The following POU6F2 variants were observed in gnomAD, a reference collection of about 807,000 sequenced individuals.
POU6F2 encodes POU class 6 homeobox 2.
In POU6F2, 31 loss-of-function variants were observed where a neutral mutation model predicts 71.3. That is an observed-to-expected ratio of 0.43 (90% CI 0.33 to 0.59). The LOEUF (loss-of-function observed/expected upper bound fraction) is 0.59. Ranked by LOEUF, POU6F2 falls within the 20% of genes least tolerant of loss-of-function variation. The pLI, the probability that POU6F2 is intolerant of heterozygous loss-of-function variation, is 0.04. For synonymous variants in POU6F2, 347 were observed against 355.7 expected, an observed-to-expected ratio of 0.98 and a Z score of 0.27; for missense variants, 783 against 856.8, an observed-to-expected ratio of 0.91 and a Z score of 1.07.
At chr7:39,016,340 A>G (rs1393746228) in intron 1 of POU6F2, among the ~76,000 whole-genome samples, 1 of 151,172 alleles carries the variant, frequency 6.6e-6, no homozygotes, top group East Asian at 1.9e-4. Flanking sequence ...GGGATATGAT[A>G]TAGTAATTCC....
intron 6 of POU6F2, among the ~76,000 whole-genome samples, chr7:39,420,833 A>G (rs1016543024): frequency 6.6e-6 from 1 of 152,216 alleles, no homozygotes; most frequent in African/African-American, 2.4e-5. Context: ...CTAACTTTTG[A>G]GATTAAAAAT....
In POU6F2 at chr7:39,339,781, G is replaced by A; in HGVS notation, c.738G>A (p.Gln246=). 6.4e-7 allele frequency: 1 copy of A among 1,572,168 alleles called. No individual in the cohort carries two copies. Among genetic ancestry groups the A allele is most frequent in the East Asian group, 2.4e-5 (1 of 41,952 alleles). ...PAPQAPSQSQ[Q]QPLQPTPPQQ... ...CACAGGCGCCCTCGCAGTCCCAGCA[G>A]CAGCCGCTGCAGCCCACCCCACCCC... Residue 246 remains glutamine (Q), a synonymous_variant, in exon 5 of 10, where the codon CAG becomes CAA. Transcript: ENST00000518318.
chr7:39,209,387 G>A lies in POU6F2; in HGVS notation c.598+1767G>A, dbSNP rs574389667. On this transcript the variant is annotated intron_variant, in intron 4 of 9. Coordinates refer to ENST00000518318, the MANE Select transcript of POU6F2 (RefSeq NM_001370959.1). Reference sequence around the variant, plus strand: ...GCATCATCTTCAGAAGTGGGTTGGAGTTGACGCCCAAGCTCTTGTCTGCTA... The same window carrying A: ...GCATCATCTTCAGAAGTGGGTTGGAATTGACGCCCAAGCTCTTGTCTGCTA... Among the ~76,000 whole-genome samples the A allele has an allele frequency of 3.2e-3, 481 of 152,252 alleles. 2 individuals are homozygous for A. Among genetic ancestry groups the A allele is most frequent in the African/African-American group, 0.011 (448 of 41,530 alleles).
At chr7:39,107,664 G>T (rs1183302160) in intron 2 of POU6F2, among the ~76,000 whole-genome samples, 2 of 152,046 alleles carry the variant, frequency 1.3e-5, no homozygotes, top group Admixed American at 6.6e-5. Context: ...TAACACAAGG[G>T]ATAGTGGAAC....
intron 2 of POU6F2, among the ~76,000 whole-genome samples, chr7:39,142,847 T>A (rs1792532272): frequency 1.3e-5 from 2 of 152,242 alleles, no homozygotes; most frequent in Non-Finnish European, 2.9e-5. Flanking sequence ...CTTCCACATG[T>A]CATATGCTTT....
At chr7:39,271,494 G>GAAA (rs36038013) in intron 4 of POU6F2, among the ~76,000 whole-genome samples, 1 of 136,752 alleles carries the variant, frequency 7.3e-6, no homozygotes, top group Non-Finnish European at 1.6e-5. Flanking sequence ...CTCAATCAGT[G>GAAA]AAAAAAAAAA....
chr7:39,399,335 T>A (rs553411141), intron 5 of POU6F2, among the ~76,000 whole-genome samples: 1 of 152,298 alleles, frequency 6.6e-6, no homozygotes, highest in African/African-American at 2.4e-5. Flanking sequence ...GGGTACTGAA[T>A]AAATGCTCGG....
rs10553247 is a variant in POU6F2 at position 38,993,611 on chromosome 7, A to AACACAC, written c.105+15585_105+15590dup. ...CTGATATTTGAATTGCAGGATTTTA[A>AACACAC]ACACACACACACACACACACACACA... On this transcript the variant is annotated intron_variant, in intron 1 of 9. Coordinates refer to ENST00000518318, the MANE Select transcript of POU6F2 (RefSeq NM_001370959.1). Among the ~76,000 whole-genome samples, 385 of 130,560 alleles carry AACACAC rather than the reference A, an allele frequency of 2.9e-3. 3 individuals are homozygous for AACACAC. Among genetic ancestry groups the AACACAC allele is most frequent in the African/African-American group, 8.1e-3 (288 of 35,614 alleles). 85.7% of individuals were successfully genotyped at this position (130,560 alleles called of 152,430 possible).
intron 5 of POU6F2, among the ~76,000 whole-genome samples, chr7:39,365,931 T>C (rs1786491289): frequency 6.6e-6 from 1 of 152,102 alleles, no homozygotes; most frequent in Admixed American, 6.5e-5. Flanking sequence ...CAGTTATAGG[T>C]TTTTCTCCAG....
Position 39,111,599 on chromosome 7 carries a change from A to C in POU6F2, c.277+25568A>C, listed in dbSNP as rs185013143. Among the ~76,000 whole-genome samples the C allele has an allele frequency of 2.0e-3, 306 of 152,142 alleles. 1 individual carries two copies. Among genetic ancestry groups the C allele is most frequent in the African/African-American group, 6.9e-3 (288 of 41,556 alleles). On this transcript the variant is annotated intron_variant, in intron 2 of 9. Transcript: ENST00000518318. ...ATCATAATTGTAGATACTTAAATACATTAGATATAGGTACAGATAAAAAAT... is the reference window on the plus strand; with the variant it reads ...ATCATAATTGTAGATACTTAAATACCTTAGATATAGGTACAGATAAAAAAT...
At chr7:39,125,220 A>G (rs907936350) in intron 2 of POU6F2, among the ~76,000 whole-genome samples, 1 of 152,114 alleles carries the variant, frequency 6.6e-6, no homozygotes, top group Non-Finnish European at 1.5e-5. Context: ...GAAACTTTGA[A>G]CTATGTGTTT....
intron 4 of POU6F2, among the ~76,000 whole-genome samples, chr7:39,305,715 C>T (rs974180736): frequency 1.3e-5 from 2 of 152,172 alleles, no homozygotes; most frequent in South Asian, 2.1e-4. Context: ...TGAAGGAAAA[C>T]AGTTGGCTTA....
chr7:39,310,053 G>A (rs1179268847), intron 4 of POU6F2, among the ~76,000 whole-genome samples: 1 of 152,140 alleles, frequency 6.6e-6, no homozygotes, highest in African/African-American at 2.4e-5. Context: ...ACAAAAGCCT[G>A]CCGTAACCCC....
chr7:39,009,363 C>A (rs1789190160), intron 1 of POU6F2, among the ~76,000 whole-genome samples: 1 of 152,020 alleles, frequency 6.6e-6, no homozygotes, highest in African/African-American at 2.4e-5. Context: ...TGATTTTGTA[C>A]ATTGATTTTG....
intron 2 of POU6F2, among the ~76,000 whole-genome samples, chr7:39,130,120 A>AT (rs1030858000): frequency 2.2e-4 from 32 of 145,814 alleles, no homozygotes; most frequent in Non-Finnish European, 3.1e-4. Context: ...GTAAAATACC[A>AT]TTTTTTTTAA....
chr7:39,204,816 CATT>C (rs1793975872), intron 3 of POU6F2, among the ~76,000 whole-genome samples: 1 of 151,684 alleles, frequency 6.6e-6, no homozygotes, highest in Non-Finnish European at 1.5e-5. Context: ...GAAATACAAT[CATT>C]ATTTTTTAAA....
At position 39,451,625 on chromosome 7, in the gene POU6F2, T is replaced by A. The variant is rs774835384; in HGVS notation, c.1413T>A (p.Ser471Arg). The change falls in exon 8 of 10, where the codon AGT (serine) becomes AGA (arginine). Residue 471 changes from serine to arginine, a missense_variant. Physicochemically the swap from Ser to Arg is moderately radical, Grantham distance 110. Coordinates refer to ENST00000518318, the MANE Select transcript of POU6F2 (RefSeq NM_001370959.1). ...ACAGCCAAGCATCCATGTCTCAAAG[T>A]CCCGTCCGGCAGGCTTCCTCTTCTT... is the stretch of plus-strand genomic sequence containing the variant. ...LAHSQASMSQ[S>R]PVRQASSSSS... is the part of the protein sequence containing the mutation. The A allele has an allele frequency of 3.7e-6, 6 of 1,613,648 alleles. No individual in the cohort carries two copies. Among genetic ancestry groups the A allele is most frequent in the African/African-American group, 1.3e-5 (1 of 75,044 alleles).
At chr7:39,032,690 A>G (rs1034713648) in intron 1 of POU6F2, among the ~76,000 whole-genome samples, 1 of 152,224 alleles carries the variant, frequency 6.6e-6, no homozygotes, top group Non-Finnish European at 1.5e-5. Flanking sequence ...TGATCTGCGT[A>G]TTGCAGGACA....
At chr7:39,247,056 T>C (rs1180823390) in intron 4 of POU6F2, among the ~76,000 whole-genome samples, 2 of 152,050 alleles carry the variant, frequency 1.3e-5, no homozygotes. Flanking sequence ...AATTGAATAA[T>C]GAACAAGTCT....
Sources: gnomAD v4.1 joint callset for allele counts (sites outside exome capture counted in the v4.1 genomes callset) on GRCh38, gnomAD v4.1.1 for gene constraint, MANE v1.5 for transcripts, NCBI Gene and HGNC (gene_info 2026-07-23, HGNC 2026-07-21) for gene names.